The following CSPP1 variants were observed in gnomAD, a reference collection of about 807,000 sequenced individuals.
The protein encoded by CSPP1 is centrosome and spindle pole associated protein 1.
Under a neutral mutation model 164.4 loss-of-function variants are expected in CSPP1, and 126 were observed. That is an observed-to-expected ratio of 0.77 (90% CI 0.66 to 0.89). The LOEUF is 0.89. Ranked by LOEUF, CSPP1 falls within the 40% of genes least tolerant of loss-of-function variation. CSPP1 has a pLI of 0.00. For synonymous variants in CSPP1, 472 were observed against 476.7 expected (o/e 0.99, Z 0.13); for missense variants, 1,395 against 1,449.8 (o/e 0.96, Z 0.61).
chr8:67,074,766 T>A, intron 2 of CSPP1: 1 of 302,350 alleles, frequency 3.3e-6, no homozygotes, highest in Non-Finnish European at 6.2e-6. Context: ...TTTCTTAATA[T>A]AAATTTCTTA....
chr8:67,158,943 A>C, intron 20 of CSPP1, 48 bp from the exon 21 acceptor site: 4 of 1,413,100 alleles, frequency 2.8e-6, no homozygotes, highest in Non-Finnish European at 3.9e-6. Flanking sequence ...TTTTGAATGT[A>C]CTATAGAAGG....
At chr8:67,125,602 C>A (rs1819898706) in intron 15 of CSPP1, among the ~76,000 whole-genome samples, 1 of 152,154 alleles carries the variant, frequency 6.6e-6, no homozygotes. Flanking sequence ...TTCACAGGAT[C>A]TCTGAAGCTT....
intron 23 of CSPP1, 83 bp from the exon 24 acceptor site, chr8:67,164,308 A>G: frequency 2.9e-6 from 2 of 690,020 alleles, no homozygotes; most frequent in Non-Finnish European, 5.2e-6. Flanking sequence ...GTTTCACTTT[A>G]TTATTAGTCA....
intron 9 of CSPP1, among the ~76,000 whole-genome samples, chr8:67,110,764 G>A (rs1358654606): frequency 6.6e-6 from 1 of 151,998 alleles, no homozygotes; most frequent in Non-Finnish European, 1.5e-5. Context: ...GTGATTATAG[G>A]GCTCACCTCA....
intron 24 of CSPP1, among the ~76,000 whole-genome samples, chr8:67,171,274 G>A (rs890215391): frequency 2.0e-5 from 3 of 151,298 alleles, no homozygotes; most frequent in South Asian, 2.1e-4. Context: ...AGTGGTGCAC[G>A]CCTGTAGTCC....
intron 28 of CSPP1, among the ~76,000 whole-genome samples, chr8:67,187,886 T>C (rs1023334276): frequency 1.3e-5 from 2 of 152,180 alleles, no homozygotes; most frequent in South Asian, 2.1e-4. Context: ...TAACTCAAAG[T>C]CGATCTTACA....
chr8:67,193,751 C>G, intron 30 of CSPP1, 149 bp downstream of exon 30: 1 of 567,098 alleles, frequency 1.8e-6, no homozygotes, highest in Non-Finnish European at 2.9e-6. Context: ...AACTATTGAG[C>G]AAAACCAGAC....
At chr8:67,150,408 G>GTT (rs1249316358) in intron 18 of CSPP1, among the ~76,000 whole-genome samples, 2 of 145,788 alleles carry the variant, frequency 1.4e-5, no homozygotes, top group Non-Finnish European at 1.5e-5. Context: ...AAGCAATGTT[G>GTT]TTTTTTTTTT....
chr8:67,080,959 G>C (rs530796921), intron 3 of CSPP1: 1 of 152,208 alleles, frequency 6.6e-6, no homozygotes, highest in Non-Finnish European at 1.5e-5. Context: ...TCCTTGGCTT[G>C]ATCTCCAGCC....
chr8:67,112,089 A>G (rs781218172), intron 10 of CSPP1, 24 bp downstream of exon 10: 16 of 1,543,224 alleles, frequency 1.0e-5, no homozygotes, highest in South Asian at 1.0e-4. Flanking sequence ...TGCATTTAAA[A>G]GAGATATTTT....
intron 17 of CSPP1, among the ~76,000 whole-genome samples, chr8:67,147,562 C>A (rs1824838234): frequency 6.6e-6 from 1 of 152,106 alleles, no homozygotes; most frequent in African/African-American, 2.4e-5. Flanking sequence ...CCGCGCCCCA[C>A]CACCCCATGC....
At chr8:67,171,284 C>T (rs1830418944) in intron 24 of CSPP1, among the ~76,000 whole-genome samples, 1 of 151,382 alleles carries the variant, frequency 6.6e-6, no homozygotes, top group African/African-American at 2.4e-5. Flanking sequence ...GCCTGTAGTC[C>T]CAGCTACTCA....
chr8:67,149,482 T>TA lies in CSPP1; in HGVS notation c.1976-298dup, dbSNP rs548575946. Reference sequence around the variant, plus strand: ...AATTGTTGCTATATTTTTTCTATATTAAAGAAATTCTAAGTTCTGAAGTAA... The same window carrying TA: ...AATTGTTGCTATATTTTTTCTATATTAAAAGAAATTCTAAGTTCTGAAGTAA... On this transcript the variant is annotated intron_variant, in intron 17 of 30. Transcript: ENST00000678616. Among the ~76,000 whole-genome samples, 643 of 152,348 alleles carry TA rather than the reference T, an allele frequency of 4.2e-3. 9 individuals are homozygous for TA. The highest frequency in any genetic ancestry group is 0.015 in the African/African-American group (609 of 41,586).
intron 1 of CSPP1, among the ~76,000 whole-genome samples, 170 bp from the exon 2 acceptor site, chr8:67,074,073 T>TG (rs993078044): frequency 6.6e-6 from 1 of 152,166 alleles, no homozygotes; most frequent in African/African-American, 2.4e-5. Context: ...GTAGGCTTTT[T>TG]GGGGAAGCTG....
At chr8:67,140,880 G>A (rs1013917392) in intron 17 of CSPP1, among the ~76,000 whole-genome samples, 2 of 152,284 alleles carry the variant, frequency 1.3e-5, no homozygotes, top group East Asian at 3.9e-4. Flanking sequence ...GGCCTGGCCT[G>A]GATGTGGAGG....
chr8:67,175,232 G>GT (rs1223895555), intron 25 of CSPP1, 64 bp from the exon 26 acceptor site: 10 of 1,294,146 alleles, frequency 7.7e-6, no homozygotes, highest in African/African-American at 3.0e-5. Context: ...TTACAGTGAA[G>GT]TTTTACAAAA....
At chr8:67,195,112 A>C (rs1837620011) in intron 30 of CSPP1, among the ~76,000 whole-genome samples, 1 of 152,222 alleles carries the variant, frequency 6.6e-6, no homozygotes, top group Admixed American at 6.5e-5. Context: ...TGATATGCTT[A>C]GAATCCCTCT....
At chr8:67,090,100 T>C (rs1811308131) in intron 4 of CSPP1, among the ~76,000 whole-genome samples, 1 of 152,198 alleles carries the variant, frequency 6.6e-6, no homozygotes, top group Non-Finnish European at 1.5e-5. Context: ...GGGTTTTTCA[T>C]GCATTTATAA....
At chr8:67,136,303 G>A (rs1822249802) in intron 16 of CSPP1, among the ~76,000 whole-genome samples, 1 of 152,068 alleles carries the variant, frequency 6.6e-6, no homozygotes. Flanking sequence ...CAGGCGTGGT[G>A]GCTCACGCCT....
Sources: gnomAD v4.1 joint callset for allele counts (sites outside exome capture counted in the v4.1 genomes callset) on GRCh38, gnomAD v4.1.1 for gene constraint, MANE v1.5 for transcripts, NCBI Gene and HGNC (gene_info 2026-07-23, HGNC 2026-07-21) for gene names.